The following NELL1 variants were observed in gnomAD, a reference collection of about 807,000 sequenced individuals.
NELL1 encodes the protein neural EGFL like 1.
In NELL1, 76 loss-of-function variants were observed where a neutral mutation model predicts 107.4. The observed-to-expected ratio is 0.71, with a 90% confidence interval of 0.59 to 0.86. The LOEUF (loss-of-function observed/expected upper bound fraction) is 0.86. Ranked by LOEUF, NELL1 falls within the 40% of genes least tolerant of loss-of-function variation. The pLI, the probability that NELL1 is intolerant of heterozygous loss-of-function variation, is 0.00. For missense variants in NELL1, 1,024 were observed against 1,005.5 expected (o/e 1.02, Z -0.25); for synonymous variants, 353 against 341.2 (o/e 1.03, Z -0.38).
chr11:20,720,613 A>G (rs1200252947), intron 2 of NELL1, among the ~76,000 whole-genome samples: 1 of 152,138 alleles, frequency 6.6e-6, no homozygotes, highest in African/African-American at 2.4e-5. Flanking sequence ...TTTGGATGCT[A>G]GGAGTCCAAA....
chr11:20,729,004 TG>T (rs1314785048), intron 2 of NELL1, among the ~76,000 whole-genome samples: 2 of 152,166 alleles, frequency 1.3e-5, no homozygotes, highest in Non-Finnish European at 2.9e-5. Context: ...CAGTCCTCCT[TG>T]TAGAAATCTT....
chr11:20,867,632 T>C (rs990649124), intron 4 of NELL1, among the ~76,000 whole-genome samples: 35 of 152,220 alleles, frequency 2.3e-4, no homozygotes, highest in African/African-American at 8.4e-4. Context: ...TTAGTTTGCA[T>C]AGAGTTGGGC....
intron 13 of NELL1, among the ~76,000 whole-genome samples, chr11:21,208,401 C>T (rs997996222): frequency 3.3e-5 from 5 of 150,268 alleles, no homozygotes; most frequent in Non-Finnish European, 7.4e-5. Context: ...TATTTATGCA[C>T]AATTATATAT....
chr11:21,143,859 T>G (rs1322369009), intron 13 of NELL1, among the ~76,000 whole-genome samples: 1 of 152,032 alleles, frequency 6.6e-6, no homozygotes. Flanking sequence ...AGATGAGACT[T>G]GAAAGATAAA....
chr11:21,058,288 T>A (rs1055268198), intron 12 of NELL1, among the ~76,000 whole-genome samples: 6 of 152,176 alleles, frequency 3.9e-5, no homozygotes, highest in African/African-American at 1.4e-4. Flanking sequence ...AAAAATGTAT[T>A]GTCTTTATAT....
intron 12 of NELL1, among the ~76,000 whole-genome samples, chr11:21,043,236 A>C (rs1166808069): frequency 2.6e-5 from 4 of 152,134 alleles, no homozygotes; most frequent in Non-Finnish European, 5.9e-5. Flanking sequence ...GGGCCCAGGC[A>C]TCTGTGTTCA....
At chr11:21,271,345 A>G (rs1222373648) in intron 14 of NELL1, among the ~76,000 whole-genome samples, 1 of 152,212 alleles carries the variant, frequency 6.6e-6, no homozygotes, top group Non-Finnish European at 1.5e-5. Context: ...TTATACAGCA[A>G]TATTATGAAC....
At chr11:21,519,287 CAAAGT>C (rs1855653667) in intron 15 of NELL1, among the ~76,000 whole-genome samples, 1 of 152,158 alleles carries the variant, frequency 6.6e-6, no homozygotes, top group South Asian at 2.1e-4. Context: ...ATGTGGTTCT[CAAAGT>C]AGAGTTCTCA....
At chr11:20,811,644 G>T (rs1857503713) in intron 3 of NELL1, among the ~76,000 whole-genome samples, 1 of 151,902 alleles carries the variant, frequency 6.6e-6, no homozygotes, top group Non-Finnish European at 1.5e-5. Flanking sequence ...TCATTGTAGA[G>T]TTCTTTTACC....
rs951089976 is a variant in NELL1 at position 21,571,072 on chromosome 11, G to T, written c.2157+132G>T. ...AGCTCTGTGGGGCCTGTGGCTAAGG[G>T]TCATGTTCTCTTCCTAAAGATATTC... On this transcript the variant is annotated intron_variant, in intron 18 of 19. Transcript: ENST00000357134. 8.6e-6 allele frequency: 6 copies of T among 695,312 alleles called. No homozygotes were observed. The East Asian group carries it at 1.6e-4, about 18-fold the overall frequency. 43.1% of individuals were successfully genotyped at this position (695,312 alleles called of 1,614,324 possible).
Position 21,224,243 on chromosome 11 carries a change from T to TTAA in NELL1, c.1427-5087_1427-5086insATA, listed in dbSNP as rs1349144499. 2.0e-5 allele frequency among the ~76,000 whole-genome samples: 3 copies of TTAA among 152,184 alleles called. No homozygotes were observed. The East Asian group carries it at 5.8e-4, about 29-fold the overall frequency. On this transcript the variant is annotated intron_variant, in intron 13 of 19. Transcript: ENST00000357134. ...GAAGTTTTTAGCTAATATTTTTATT[T>TTAA]TATTATTATTATTTTTTGAGGCAAG...
intron 15 of NELL1, among the ~76,000 whole-genome samples, chr11:21,399,057 A>C (rs905980492): frequency 2.0e-5 from 3 of 149,082 alleles, no homozygotes; most frequent in African/African-American, 7.4e-5. Flanking sequence ...AAAAAAAAAT[A>C]TTAGACGAGC....
chr11:21,050,298 ATCTT>A (rs1853462109), intron 12 of NELL1, among the ~76,000 whole-genome samples: 1 of 152,110 alleles, frequency 6.6e-6, no homozygotes, highest in African/African-American at 2.4e-5. Context: ...AACAGCTTCA[ATCTT>A]TCTTCAGTAA....
rs377110666 is a variant in NELL1, at chr11:21,411,595, A to T, written c.1645+40647A>T. ...TGAGTGAGACCCTTACCTCAGGTAAAATCTAAGAGGTTGCCAAAAAAACTC... is the reference window on the plus strand; with the variant it reads ...TGAGTGAGACCCTTACCTCAGGTAATATCTAAGAGGTTGCCAAAAAAACTC... On this transcript the variant is annotated intron_variant, in intron 15 of 19. Coordinates refer to ENST00000357134, the MANE Select transcript of NELL1 (RefSeq NM_006157.5). Among the ~76,000 whole-genome samples the T allele has an allele frequency of 1.2e-3, 186 of 152,218 alleles. 5 individuals carry two copies. In the South Asian group the frequency reaches 0.038, roughly 31 times the overall value.
intron 14 of NELL1, among the ~76,000 whole-genome samples, chr11:21,256,555 C>T (rs959273182): frequency 6.6e-6 from 1 of 152,014 alleles, no homozygotes; most frequent in Non-Finnish European, 1.5e-5. Context: ...TATAGCAGGT[C>T]TCATCCTGAC....
chr11:20,757,998 C>T (rs1399474079), intron 2 of NELL1, among the ~76,000 whole-genome samples: 1 of 152,196 alleles, frequency 6.6e-6, no homozygotes, highest in Non-Finnish European at 1.5e-5. Flanking sequence ...AGATAGCCTC[C>T]TCCTTGCTCT....
At chr11:20,802,077 C>A (rs1298587127) in intron 3 of NELL1, among the ~76,000 whole-genome samples, 1 of 152,006 alleles carries the variant, frequency 6.6e-6, no homozygotes, top group African/African-American at 2.4e-5. Flanking sequence ...TTTTGTAATT[C>A]CATATAAAGT....
chr11:21,433,414 C>T (rs1853020544), intron 15 of NELL1, among the ~76,000 whole-genome samples: 1 of 152,096 alleles, frequency 6.6e-6, no homozygotes, highest in Admixed American at 6.6e-5. Context: ...AATGCTGGGT[C>T]ATAGGTAGTT....
chr11:20,879,283 G>C (rs7936061), intron 4 of NELL1, among the ~76,000 whole-genome samples: 11 of 152,152 alleles, frequency 7.2e-5, no homozygotes, highest in African/African-American at 2.7e-4. Context: ...TGAATGGATC[G>C]TCCAAATGGG....
Sources: gnomAD v4.1 joint callset for allele counts (sites outside exome capture counted in the v4.1 genomes callset) on GRCh38, gnomAD v4.1.1 for gene constraint, MANE v1.5 for transcripts, NCBI Gene and HGNC (gene_info 2026-07-23, HGNC 2026-07-21) for gene names.